Variants in RNLS observed in about 807,000 individuals in gnomAD.
The protein encoded by RNLS is renalase.
Under a neutral mutation model 39.8 loss-of-function variants are expected in RNLS, and 39 were observed. The observed-to-expected ratio is 0.98, with a 90% confidence interval of 0.76 to 1.28. The LOEUF is 1.28. Among genes scored for constraint, RNLS ranks in the 50% most tolerant of loss-of-function variants. The pLI is 0.00. For synonymous variants in RNLS, 147 were observed against 150.7 expected, an observed-to-expected ratio of 0.98 and a Z score of 0.18; for missense variants, 410 against 413.3, an observed-to-expected ratio of 0.99 and a Z score of 0.07.
the RNLS span, among the ~76,000 whole-genome samples, chr10:88,233,917 G>A: frequency 6.6e-6 from 1 of 151,564 alleles, no homozygotes; most frequent in Non-Finnish European, 1.5e-5. Flanking sequence ...ATCCTTTCAG[G>A]ATCTGGGAAA....
At chr10:88,319,565 G>A (rs1846019692) in intron 5 of RNLS, among the ~76,000 whole-genome samples, 1 of 151,824 alleles carries the variant, frequency 6.6e-6, no homozygotes, top group African/African-American at 2.4e-5. Context: ...AGATGAGACA[G>A]CTATGTCAAA....
At chr10:88,350,454 T>C (rs1848610440) in intron 5 of RNLS, among the ~76,000 whole-genome samples, 1 of 152,160 alleles carries the variant, frequency 6.6e-6, no homozygotes, top group African/African-American at 2.4e-5. Context: ...ATTGTTCAAT[T>C]CCCACCTATG....
In RNLS at chr10:88,556,924, C is replaced by T. The variant is rs2134364767; in HGVS notation, c.526+15979G>A. Among the ~76,000 whole-genome samples the T allele has an allele frequency of 3.3e-5, 5 of 152,172 alleles. No homozygotes were observed. In the South Asian group the frequency reaches 1.0e-3, roughly 32 times the overall value. ...TTTCCTCCACCCCCTGGATCAAATA[C>T]TATACAATATTATGCCTCCTTCCAC... On this transcript the variant is annotated intron_variant, in intron 4 of 6. Transcript: ENST00000331772.
chr10:88,571,616 A>C (rs904014107), intron 4 of RNLS, among the ~76,000 whole-genome samples: 1 of 152,190 alleles, frequency 6.6e-6, no homozygotes, highest in African/African-American at 2.4e-5. Context: ...ATGAAACAAA[A>C]GCTAACTGAG....
At chr10:88,426,339 G>A (rs548455934) in intron 4 of RNLS, among the ~76,000 whole-genome samples, 71 of 152,164 alleles carry the variant, frequency 4.7e-4, no homozygotes, top group African/African-American at 1.5e-3. Flanking sequence ...GCCAAGGAGG[G>A]AGTCATCATC....
At chr10:88,459,096 CTTTTTTCTTTTTTT>C (rs1189230728) in intron 4 of RNLS, among the ~76,000 whole-genome samples, 2 of 106,786 alleles carry the variant, frequency 1.9e-5, no homozygotes, top group Admixed American at 1.8e-4. Context: ...CTAGCTTTTT[CTTTTTTCTTTTTTT>C]TTTTTTTGAT....
chr10:88,240,413 T>TTA, the RNLS span, among the ~76,000 whole-genome samples: 2 of 150,144 alleles, frequency 1.3e-5, no homozygotes, highest in East Asian at 1.9e-4. Flanking sequence ...GTCCTTTTTT[T>TTA]AAAAAAAAAA....
rs577838661 is a variant in RNLS at position 88,310,801 on chromosome 10, C to CAAAAAAAAAAA, written c.876+3654_876+3664dup. 1.0e-3 allele frequency among the ~76,000 whole-genome samples: 20 copies of CAAAAAAAAAAA among 19,588 alleles called. 1 individual carries two copies. Among genetic ancestry groups the CAAAAAAAAAAA allele is most frequent in the African/African-American group, 2.4e-3 (12 of 5,016 alleles). 12.9% of individuals were successfully genotyped at this position (19,588 alleles called of 152,430 possible). A position where few individuals can be genotyped will look rare whatever the true frequency, so the allele number is the denominator to read the frequency against. Reference sequence around the variant, plus strand: ...TGACAGATTTAGAGCCTACCTCTGCCAAAAAAAAAAAAAAAAAAAAAAAAA... The same window carrying CAAAAAAAAAAA: ...TGACAGATTTAGAGCCTACCTCTGCCAAAAAAAAAAAAAAAAAAAAAAAAAAAAAAAAAAAA... On this transcript the variant is annotated intron_variant, in intron 6 of 6. Transcript: ENST00000331772.
At chr10:88,187,958 A>G in the RNLS span, among the ~76,000 whole-genome samples, 11 of 152,256 alleles carry the variant, frequency 7.2e-5, 1 homozygote, top group South Asian at 2.1e-4. Flanking sequence ...TTAAATCTGC[A>G]TAAAACAAAC....
intron 4 of RNLS, among the ~76,000 whole-genome samples, chr10:88,383,318 A>C (rs1233951281): frequency 2.0e-5 from 3 of 152,074 alleles, no homozygotes; most frequent in South Asian, 2.1e-4. Flanking sequence ...TAGTTTTGGA[A>C]ATGAGCTTTC....
intron 4 of RNLS, 40 bp downstream of exon 4, chr10:88,572,863 C>G: frequency 6.3e-7 from 1 of 1,599,488 alleles, no homozygotes; most frequent in Non-Finnish European, 8.5e-7. Context: ...CAAAAGAAAT[C>G]CCATTCCCTG....
intron 4 of RNLS, among the ~76,000 whole-genome samples, chr10:88,534,380 C>G (rs979062193): frequency 6.6e-6 from 1 of 152,094 alleles, no homozygotes; most frequent in Non-Finnish European, 1.5e-5. Context: ...AAATAGGAGA[C>G]AGCAGAGGCT....
the RNLS span, among the ~76,000 whole-genome samples, chr10:88,203,725 A>G: frequency 1.3e-3 from 189 of 150,730 alleles, 2 homozygotes; most frequent in South Asian, 6.4e-3. Flanking sequence ...TTTTACAAAC[A>G]AATTTCATGA....
chr10:88,450,023 G>A (rs570308841), intron 4 of RNLS, among the ~76,000 whole-genome samples: 1 of 151,846 alleles, frequency 6.6e-6, no homozygotes, highest in Non-Finnish European at 1.5e-5. Flanking sequence ...TGTAAGAGCT[G>A]GGCCTTTTGG....
At chr10:88,369,609 C>A (rs1428487076) in intron 4 of RNLS, among the ~76,000 whole-genome samples, 2 of 152,162 alleles carry the variant, frequency 1.3e-5, no homozygotes, top group Non-Finnish European at 1.5e-5. Context: ...CCTGCTGTTA[C>A]TAGTTCCTAG....
At chr10:88,203,316 A>G in the RNLS span, among the ~76,000 whole-genome samples, 6 of 4,852 alleles carry the variant, frequency 1.2e-3, 1 homozygote, top group Non-Finnish European at 2.6e-3. Context: ...ATATATACGT[A>G]TGTATATATA....
intron 6 of RNLS, among the ~76,000 whole-genome samples, chr10:88,289,575 T>C (rs1843527468): frequency 6.6e-6 from 1 of 152,136 alleles, no homozygotes. Flanking sequence ...TTTTGCACTG[T>C]AATGATGTCC....
chr10:88,322,435 T>C (rs905737708), intron 5 of RNLS, among the ~76,000 whole-genome samples: 9 of 151,844 alleles, frequency 5.9e-5, no homozygotes, highest in African/African-American at 2.2e-4. Flanking sequence ...GGGTTGGGGG[T>C]GATTAGGTCA....
intron 5 of RNLS, among the ~76,000 whole-genome samples, chr10:88,346,830 C>A (rs1589609228): frequency 6.6e-6 from 1 of 152,158 alleles, no homozygotes; most frequent in Non-Finnish European, 1.5e-5. Flanking sequence ...TGGATTGTGG[C>A]ATGTATTCCC....
Sources: gnomAD v4.1 joint callset for allele counts (sites outside exome capture counted in the v4.1 genomes callset) on GRCh38, gnomAD v4.1.1 for gene constraint, MANE v1.5 for transcripts, NCBI Gene and HGNC (gene_info 2026-07-23, HGNC 2026-07-21) for gene names.